EHBP1: variants seen among roughly 807,000 people sequenced by gnomAD.
EHBP1 encodes EH domain binding protein 1, also known as EH domain-binding protein 1.
In EHBP1, 55 loss-of-function variants were observed where a neutral mutation model predicts 144.0. The observed-to-expected ratio is 0.38, with a 90% CI of 0.31 to 0.48. The LOEUF is 0.48. Among genes scored for constraint, EHBP1 ranks in the 20% least tolerant of loss-of-function variants. The probability of loss-of-function intolerance (pLI) is 0.98; values close to 1 mark genes in which losing one functional copy is unlikely to be tolerated. For synonymous variants in EHBP1, 469 were observed against 472.7 expected, an observed-to-expected ratio of 0.99 and a Z score of 0.10; for missense variants, 1,200 against 1,364.2, an observed-to-expected ratio of 0.88 and a Z score of 1.90.
intron 21 of EHBP1, among the ~76,000 whole-genome samples, chr2:63,043,423 G>T (rs1054295850): frequency 2.0e-5 from 3 of 152,038 alleles, no homozygotes; most frequent in Non-Finnish European, 2.9e-5. Flanking sequence ...TAAAGTATTT[G>T]TGTGGTTTTA....
chr2:62,966,474 C>A (rs1314049329), intron 14 of EHBP1, among the ~76,000 whole-genome samples: 1 of 152,096 alleles, frequency 6.6e-6, no homozygotes, highest in Non-Finnish European at 1.5e-5. Context: ...TTACTTTATA[C>A]CTTTTCCCGA....
At chr2:62,726,589 T>C (rs1304782642) in intron 2 of EHBP1, 2 of 152,242 alleles carry the variant, frequency 1.3e-5, no homozygotes, top group Admixed American at 1.3e-4. Context: ...ATCAAACTCT[T>C]ACCCATTAGT....
At chr2:62,767,897 A>G (rs2152338842) in intron 4 of EHBP1, among the ~76,000 whole-genome samples, 1 of 152,152 alleles carries the variant, frequency 6.6e-6, no homozygotes, top group East Asian at 1.9e-4. Context: ...TTTACATGGA[A>G]ATTAAACATC....
chr2:62,991,679 C>T (rs1376283754), intron 16 of EHBP1, among the ~76,000 whole-genome samples: 2 of 152,230 alleles, frequency 1.3e-5, no homozygotes, highest in East Asian at 3.9e-4. Flanking sequence ...TTATTCCCAC[C>T]CACATGTTTC....
intron 19 of EHBP1, among the ~76,000 whole-genome samples, chr2:63,007,465 A>C (rs181325247): frequency 1.3e-5 from 2 of 151,906 alleles, no homozygotes; most frequent in African/African-American, 4.8e-5. Context: ...GTGTGTATAA[A>C]ATATTTGCCA....
rs360788 is a variant in EHBP1, at chr2:62,685,987, A to G, written c.-296+11904A>G. Among the ~76,000 whole-genome samples, 99 of 152,184 alleles carry G rather than the reference A, an allele frequency of 6.5e-4. 1 individual carries two copies. Among genetic ancestry groups the G allele is most frequent in the South Asian group, 2.3e-3 (11 of 4,826 alleles). ...TAACTTTCCAATGGGAGAGAAAACC[A>G]TTTGTCACTTTACTTTCAATAAGGA... is the stretch of plus-strand genomic sequence containing the variant. On this transcript the variant is annotated intron_variant, in intron 1 of 22. Coordinates refer to the EHBP1 transcript ENST00000405015.
chr2:62,905,214 G>A (rs1241725898), intron 10 of EHBP1, among the ~76,000 whole-genome samples: 1 of 152,140 alleles, frequency 6.6e-6, no homozygotes, highest in Non-Finnish European at 1.5e-5. Flanking sequence ...CCTGTCTATG[G>A]AAGTAACATT....
chr2:63,043,109 C>T (rs1360321757), intron 21 of EHBP1, among the ~76,000 whole-genome samples: 1 of 151,946 alleles, frequency 6.6e-6, no homozygotes, highest in Non-Finnish European at 1.5e-5. Flanking sequence ...ATTATAGTTA[C>T]CTGAAATTAG....
intron 7 of EHBP1, among the ~76,000 whole-genome samples, chr2:62,857,914 G>A (rs1256348985): frequency 6.7e-6 from 1 of 149,176 alleles, no homozygotes; most frequent in African/African-American, 2.5e-5. Flanking sequence ...TCTTGTTTTA[G>A]TGCCGATTTT....
chr2:62,710,296 A>G (rs72888917), intron 2 of EHBP1, among the ~76,000 whole-genome samples: 5,903 of 152,082 alleles, frequency 0.039, 396 homozygotes, highest in African/African-American at 0.13. Flanking sequence ...TCTCTAATAT[A>G]TGACATGAAT....
At chr2:62,830,116 A>T (rs541537760) in intron 6 of EHBP1, among the ~76,000 whole-genome samples, 4 of 149,442 alleles carry the variant, frequency 2.7e-5, no homozygotes, top group African/African-American at 9.8e-5. Flanking sequence ...CAATGAGTGG[A>T]TTAAAAATAT....
chr2:62,805,776 C>A (rs535220387), intron 5 of EHBP1, among the ~76,000 whole-genome samples: 1 of 152,264 alleles, frequency 6.6e-6, no homozygotes, highest in East Asian at 1.9e-4. Context: ...CTCAGCCTCC[C>A]AAAATGCTGG....
At chr2:62,835,171 T>G (rs1339067372) in intron 7 of EHBP1, among the ~76,000 whole-genome samples, 1 of 152,208 alleles carries the variant, frequency 6.6e-6, no homozygotes, top group African/African-American at 2.4e-5. Context: ...TCTGTGTTAT[T>G]TTAAGTGCTT....
At chr2:62,908,657 T>G (rs1313442506) in intron 10 of EHBP1, among the ~76,000 whole-genome samples, 3 of 152,138 alleles carry the variant, frequency 2.0e-5, no homozygotes, top group Admixed American at 6.5e-5. Context: ...TTTTTATTTG[T>G]TTTGAGTCTT....
chr2:62,859,323 T>C, intron 8 of EHBP1, 32 bp downstream of exon 8: 1 of 1,574,208 alleles, frequency 6.4e-7, no homozygotes, highest in Non-Finnish European at 8.7e-7. Flanking sequence ...TTAAAGTCTT[T>C]GTATAGTCAA....
intron 1 of EHBP1, among the ~76,000 whole-genome samples, chr2:62,698,458 A>T (rs2034175148): frequency 6.6e-6 from 1 of 152,234 alleles, no homozygotes; most frequent in Non-Finnish European, 1.5e-5. Context: ...AACTTATTTC[A>T]GGGATAAAAT....
At chr2:62,890,899 G>C (rs1447705204) in intron 10 of EHBP1, among the ~76,000 whole-genome samples, 5 of 152,154 alleles carry the variant, frequency 3.3e-5, no homozygotes, top group Non-Finnish European at 7.4e-5. Context: ...AAGAAGCCTG[G>C]GCTGGGCACG....
intron 19 of EHBP1, among the ~76,000 whole-genome samples, chr2:63,020,805 A>C (rs2060710741): frequency 6.6e-6 from 1 of 151,392 alleles, no homozygotes; most frequent in Non-Finnish European, 1.5e-5. Context: ...CAGCCTCCTG[A>C]GTAGCTGGGA....
rs1316719785 is a variant in EHBP1 at position 63,032,535 on chromosome 2, A to G, written c.3104-5000A>G. Reference sequence around the variant, plus strand: ...TGAGCCAAGATCGCGCCACTGCACTACAGCCTGGGCGACAGAGCGAGACTC... The same window carrying G: ...TGAGCCAAGATCGCGCCACTGCACTGCAGCCTGGGCGACAGAGCGAGACTC... On this transcript the variant is annotated intron_variant, in intron 19 of 22. Coordinates refer to ENST00000431489, the MANE Select transcript of EHBP1 (RefSeq NM_001142616.3). 2.7e-5 allele frequency among the ~76,000 whole-genome samples: 4 copies of G among 145,486 alleles called. No individual in the cohort carries two copies. The Admixed American group carries it at 2.8e-4, about 10-fold the overall frequency.
Sources: allele counts gnomAD v4.1 joint callset (sites outside exome capture counted in the v4.1 genomes callset), GRCh38; gene constraint gnomAD v4.1.1; transcripts MANE v1.5; gene names NCBI Gene and HGNC (gene_info 2026-07-23, HGNC 2026-07-21).